DNAL1: variants seen among roughly 807,000 people sequenced by gnomAD.
DNAL1 encodes the protein dynein axonemal light chain 1.
A neutral mutation model predicts 29.4 loss-of-function variants in DNAL1; 17 were observed. The observed-to-expected ratio is 0.58, with a 90% CI of 0.40 to 0.87. The LOEUF (loss-of-function observed/expected upper bound fraction) is 0.87. Ranked by LOEUF, DNAL1 falls within the 40% of genes least tolerant of loss-of-function variation. The pLI is 0.00. For synonymous variants in DNAL1, 78 were observed against 76.3 expected (o/e 1.02, Z -0.12); for missense variants, 188 against 214.1 (o/e 0.88, Z 0.76).
intron 3 of DNAL1, among the ~76,000 whole-genome samples, 199 bp downstream of exon 3, chr14:73,659,155 A>G (rs1220550458): frequency 1.4e-5 from 2 of 146,064 alleles, no homozygotes; most frequent in Non-Finnish European, 3.0e-5. Flanking sequence ...TGAACAGTAT[A>G]GTACAATTTT....
chr14:73,665,135 T>C (rs1339692785), intron 4 of DNAL1, among the ~76,000 whole-genome samples: 2 of 152,192 alleles, frequency 1.3e-5, no homozygotes, highest in African/African-American at 2.4e-5. Flanking sequence ...GCTCTTTAGA[T>C]AGTGAATTCC....
chr14:73,650,990 C>A (rs1014061272), intron 1 of DNAL1, among the ~76,000 whole-genome samples: 4 of 152,138 alleles, frequency 2.6e-5, no homozygotes, highest in African/African-American at 9.7e-5. Context: ...GTACTTTTTC[C>A]ATGCTTATTG....
chr14:73,679,142 A>C (rs1004602786), intron 5 of DNAL1, among the ~76,000 whole-genome samples: 1 of 152,048 alleles, frequency 6.6e-6, no homozygotes, highest in Non-Finnish European at 1.5e-5. Context: ...GACTACAGGC[A>C]CATGCCACCA....
intron 4 of DNAL1, among the ~76,000 whole-genome samples, chr14:73,669,312 C>G (rs1251902030): frequency 6.6e-6 from 1 of 151,692 alleles, no homozygotes; most frequent in East Asian, 2.0e-4. Context: ...GAATCTTGCT[C>G]TGTCACCAGG....
intron 5 of DNAL1, among the ~76,000 whole-genome samples, chr14:73,673,364 A>G (rs912782166): frequency 2.6e-5 from 4 of 152,202 alleles, no homozygotes; most frequent in Non-Finnish European, 5.9e-5. Context: ...AAGTATTACT[A>G]TAGCATGTAA....
chr14:73,658,941 T>C lies in DNAL1; in HGVS notation c.137T>C (p.Met46Thr). 6.6e-7 allele frequency: 1 copy of C among 1,518,840 alleles called. No homozygotes were observed. The highest frequency in any genetic ancestry group is 1.4e-5 in the African/African-American group (1 of 71,650). The allele number at this position is 1,518,840 out of a possible 1,614,324, so 94.1% of individuals were successfully genotyped here. A position where few individuals can be genotyped will look rare whatever the true frequency, so the allele number is the denominator to read the frequency against. Residue 46 changes from methionine to threonine, a missense_variant, in exon 3 of 8, where the codon ATG becomes ACG. Transcript: ENST00000553645. ...PIEKMDASLSMLANCEKLSLS... is the reference protein window; with the variant it reads ...PIEKMDASLSTLANCEKLSLS... Reference sequence around the variant, plus strand: ...GAGAAGATGGATGCATCCTTGTCCATGCTTGCTAATTGCGAGTAAGTTCTC... The same window carrying C: ...GAGAAGATGGATGCATCCTTGTCCACGCTTGCTAATTGCGAGTAAGTTCTC...
chr14:73,683,234 A>G (rs1436355714), intron 5 of DNAL1, among the ~76,000 whole-genome samples: 3 of 152,180 alleles, frequency 2.0e-5, no homozygotes, highest in African/African-American at 4.8e-5. Context: ...TATAAAAAGT[A>G]TAGTAAACAC....
intron 1 of DNAL1, 103 bp from the exon 2 acceptor site, chr14:73,654,744 G>A (rs1189977018): frequency 3.6e-6 from 4 of 1,112,146 alleles, no homozygotes; most frequent in African/African-American, 3.2e-5. Context: ...GGGTGACAGA[G>A]CAAGATTCTG....
rs1209858966 is a variant in DNAL1, at chr14:73,654,871, G to A, written c.28G>A (p.Ala10Thr). The A allele has an allele frequency of 3.3e-6, 5 of 1,535,378 alleles. No individual in the cohort carries two copies. Among genetic ancestry groups the A allele is most frequent in the Non-Finnish European group, 4.4e-6 (5 of 1,142,278 alleles). The change falls in exon 2 of 8, where the codon GCC becomes ACC. Residue 10 changes from alanine (A) to threonine (T), a missense_variant. Coordinates refer to ENST00000553645, the MANE Select transcript of DNAL1 (RefSeq NM_031427.4). MAKATTIKE[A>T]LARWEEKTGQ... ...GGCGAAAGCAACAACAATCAAAGAAGCCTTAGCGAGATGGGTGAGTACATG... is the reference window on the plus strand; with the variant it reads ...GGCGAAAGCAACAACAATCAAAGAAACCTTAGCGAGATGGGTGAGTACATG...
chr14:73,695,963 G>GT lies in DNAL1; in HGVS notation c.*23dup. The GT allele has an allele frequency of 6.4e-7, 1 of 1,573,862 alleles. No homozygotes were observed. The highest frequency in any genetic ancestry group is 8.6e-7 in the Non-Finnish European group (1 of 1,157,098). On this transcript the variant is annotated 3_prime_UTR_variant, in exon 8 of 8. Coordinates refer to ENST00000553645, the MANE Select transcript of DNAL1 (RefSeq NM_031427.4). ...ACTAATGCCACGCTTTCCACTGTGT[G>GT]TTAACTTATTTAAATGTCATAAGAA...
rs775440642 is a variant in DNAL1, at chr14:73,671,609, TTTATTA to T, written c.264+18_264+23del. ...ACTTAAATGGACTGGTAGGTTGTTA[TTTATTA>T]TTATTTTATTTATTTAATTTGCACA... On this transcript the variant is annotated intron_variant, in intron 5 of 7. Transcript: ENST00000553645. 1 of 1,434,124 alleles carries T rather than the reference TTTATTA, an allele frequency of 7.0e-7. No homozygotes were observed. The highest frequency in any genetic ancestry group is 2.7e-5 in the East Asian group (1 of 37,330). The allele number at this position is 1,434,124 out of a possible 1,614,324, so 88.8% of individuals were successfully genotyped here.
intron 6 of DNAL1, among the ~76,000 whole-genome samples, chr14:73,687,937 C>T (rs1032980296): frequency 4.6e-5 from 7 of 151,534 alleles, no homozygotes; most frequent in Admixed American, 2.6e-4. Flanking sequence ...TGTATACATA[C>T]GTAACAAACC....
chr14:73,687,697 C>T (rs1024537793), intron 6 of DNAL1, among the ~76,000 whole-genome samples: 1 of 152,120 alleles, frequency 6.6e-6, no homozygotes, highest in Admixed American at 6.6e-5. Context: ...ACGGTGAAAC[C>T]CCGTCTCTAC....
rs1891873236 is a variant in DNAL1, at chr14:73,681,488, C to T, written c.265-5771C>T. Among the ~76,000 whole-genome samples, 2 of 150,346 alleles carry T rather than the reference C, an allele frequency of 1.3e-5. 1 individual carries two copies. Among genetic ancestry groups the T allele is most frequent in the South Asian group, 4.2e-4 (2 of 4,774 alleles). ...ACTTAATTTATAAACAATGTTTTAG[C>T]TGGGCACAGTGGCTCACATCTGTAA... is the stretch of plus-strand genomic sequence containing the variant. On this transcript the variant is annotated intron_variant, in intron 5 of 7. Transcript: ENST00000553645.
intron 7 of DNAL1, among the ~76,000 whole-genome samples, chr14:73,693,069 C>T (rs1326824405): frequency 2.0e-5 from 3 of 151,972 alleles, no homozygotes; most frequent in South Asian, 2.1e-4. Context: ...CTCCTGACCT[C>T]GTGATCCACC....
At chr14:73,681,751 C>T (rs1891892630) in intron 5 of DNAL1, among the ~76,000 whole-genome samples, 1 of 149,126 alleles carries the variant, frequency 6.7e-6, no homozygotes, top group Non-Finnish European at 1.5e-5. Flanking sequence ...GCTCTGATCA[C>T]ACCACTGCAC....
In DNAL1 at chr14:73,658,962, T is replaced by G; in HGVS notation, c.152+6T>G. 1 of 1,469,904 alleles carries G rather than the reference T, an allele frequency of 6.8e-7. No homozygotes were observed. Among genetic ancestry groups the G allele is most frequent in the Non-Finnish European group, 9.1e-7 (1 of 1,102,308 alleles). 91.1% of individuals were successfully genotyped at this position (1,469,904 alleles called of 1,614,324 possible). ...TCCATGCTTGCTAATTGCGAGTAAG[T>G]TCTCTTTTCATCCTTCCAGTATTGC... On this transcript the variant is annotated splice_donor_region_variant and intron_variant, in intron 3 of 7. Coordinates refer to ENST00000553645, the MANE Select transcript of DNAL1 (RefSeq NM_031427.4).
rs146023468 is a variant in DNAL1, at chr14:73,671,781, C to T, written c.264+184C>T. Among the ~76,000 whole-genome samples, 169 of 152,238 alleles carry T rather than the reference C, an allele frequency of 1.1e-3. 2 individuals carry two copies. Among genetic ancestry groups the T allele is most frequent in the Middle Eastern group, 6.8e-3 (2 of 294 alleles). On this transcript the variant is annotated intron_variant, in intron 5 of 7. Transcript: ENST00000553645. ...CAACAACCTGTACTCCCACCAGTAA[C>T]GTGTGAGGTTTCCCAATTTCCCATA...
chr14:73,687,671 G>T (rs1249106744), intron 6 of DNAL1, among the ~76,000 whole-genome samples: 1 of 152,174 alleles, frequency 6.6e-6, no homozygotes. Flanking sequence ...AGGAGATCGA[G>T]ACCATCCTGG....
Sources: gnomAD v4.1 joint callset for allele counts (sites outside exome capture counted in the v4.1 genomes callset) on GRCh38, gnomAD v4.1.1 for gene constraint, MANE v1.5 for transcripts, NCBI Gene and HGNC (gene_info 2026-07-23, HGNC 2026-07-21) for gene names.